Variants in ANKAR observed in about 807,000 individuals in gnomAD.
ANKAR encodes ankyrin and armadillo repeat-containing protein.
In ANKAR, 136 loss-of-function variants were observed where a neutral mutation model predicts 146.2. The observed-to-expected ratio is 0.93, with a 90% CI of 0.81 to 1.07. The LOEUF is 1.07. Ranked by LOEUF, ANKAR falls within the 50% of genes least tolerant of loss-of-function variation. The pLI is 0.00. For synonymous variants in ANKAR, 500 were observed against 575.8 expected, an observed-to-expected ratio of 0.87 and a Z score of 1.88; for missense variants, 1,567 against 1,679.9, an observed-to-expected ratio of 0.93 and a Z score of 1.18.
intron 8 of ANKAR, among the ~76,000 whole-genome samples, chr2:189,706,633 T>TTTA (rs1227839946): frequency 4.6e-5 from 7 of 152,204 alleles, no homozygotes; most frequent in Admixed American, 2.6e-4. Context: ...GCTTTTTCCT[T>TTTA]CACTTACGGA....
chr2:189,759,205 T>G (rs533024313), intron 18 of ANKAR, among the ~76,000 whole-genome samples: 1 of 152,296 alleles, frequency 6.6e-6, no homozygotes, highest in African/African-American at 2.4e-5. Context: ...ACATACATTA[T>G]TTCTAATGCC....
intron 18 of ANKAR, among the ~76,000 whole-genome samples, chr2:189,760,342 G>A (rs942469442): frequency 6.6e-6 from 1 of 152,160 alleles, no homozygotes; most frequent in Non-Finnish European, 1.5e-5. Context: ...GCCAGGCGGA[G>A]GGGCCCCCAC....
Position 189,693,177 on chromosome 2 carries a change from G to C in ANKAR, c.1307G>C (p.Ser436Thr). The change falls in exon 5 of 23, where the codon AGC becomes ACC. Residue 436 changes from serine to threonine, a missense_variant and splice_region_variant. By Grantham distance (58) the Ser-to-Thr change is moderately conservative. Coordinates refer to ENST00000684021, the MANE Select transcript of ANKAR (RefSeq NM_001378068.1). ...SIPVMEFHGK[S>T]YYVIYFELET... Reference sequence around the variant, plus strand: ...CCAGTCATGGAATTTCATGGAAAAAGGTACGGAGCTTTCACTAATTACTGA... The same window carrying C: ...CCAGTCATGGAATTTCATGGAAAAACGTACGGAGCTTTCACTAATTACTGA... 2 of 1,533,924 alleles carry C rather than the reference G, an allele frequency of 1.3e-6. No individual in the cohort carries two copies. Among genetic ancestry groups the C allele is most frequent in the South Asian group, 2.4e-5 (2 of 83,342 alleles).
chr2:189,697,558 T>C (rs1016475068), intron 7 of ANKAR, among the ~76,000 whole-genome samples: 8 of 152,202 alleles, frequency 5.3e-5, no homozygotes, highest in African/African-American at 1.9e-4. Context: ...ATATTCAGAT[T>C]CTTCTGTTAC....
chr2:189,736,791 G>C (rs1356530796), intron 17 of ANKAR, among the ~76,000 whole-genome samples: 1 of 151,760 alleles, frequency 6.6e-6, no homozygotes, highest in Non-Finnish European at 1.5e-5. Context: ...GAAAATTCAG[G>C]GCCAGGTGTG....
intron 2 of ANKAR, among the ~76,000 whole-genome samples, chr2:189,683,523 G>A (rs2035068672): frequency 6.6e-6 from 1 of 152,190 alleles, no homozygotes; most frequent in African/African-American, 2.4e-5. Context: ...ATGTGAGGTA[G>A]GGAACAAAAG....
chr2:189,759,931 G>T (rs534528710), intron 18 of ANKAR, among the ~76,000 whole-genome samples: 2 of 152,172 alleles, frequency 1.3e-5, no homozygotes, highest in Admixed American at 1.3e-4. Context: ...ATGTCCCTGG[G>T]TACTTGAGAT....
In ANKAR at chr2:189,695,127, A is replaced by G. The variant is rs375605787; in HGVS notation, c.1454A>G (p.Lys485Arg). 1 of 1,607,272 alleles carries G rather than the reference A, an allele frequency of 6.2e-7. No homozygotes were observed. Among genetic ancestry groups the G allele is most frequent in the African/African-American group, 1.3e-5 (1 of 74,374 alleles). ...TDAQLHEQFK[K>R]KLGFKRAMKC... ...GCTCAATTACATGAACAATTTAAGA[A>G]AAAGCTTGGTTTCAAAAGAGCTATG... Residue 485 changes from lysine to arginine, a missense_variant, in exon 6 of 23, where the codon AAA becomes AGA. Physicochemically the swap from Lys to Arg is conservative, Grantham distance 26 (BLOSUM62 2). Transcript: ENST00000684021.
At chr2:189,728,590 A>C in intron 14 of ANKAR, 70 bp from the exon 15 acceptor site, 2 of 1,549,446 alleles carry the variant, frequency 1.3e-6, no homozygotes, top group Non-Finnish European at 1.8e-6. Flanking sequence ...AGTGTCAGCC[A>C]CCGTGTCCTC....
chr2:189,703,832 G>A (rs902298402), intron 7 of ANKAR, among the ~76,000 whole-genome samples: 7 of 152,100 alleles, frequency 4.6e-5, no homozygotes, highest in African/African-American at 1.7e-4. Context: ...AGTGGTCAAT[G>A]GTGTAAAATA....
chr2:189,694,495 G>C (rs75613361), intron 5 of ANKAR, among the ~76,000 whole-genome samples: 2 of 152,290 alleles, frequency 1.3e-5, no homozygotes, highest in Admixed American at 1.3e-4. Flanking sequence ...GATCAGGGCT[G>C]TTTCAAGCCC....
chr2:189,692,173 A>G (rs2036523133), intron 3 of ANKAR, 82 bp from the exon 4 acceptor site: 2 of 1,206,690 alleles, frequency 1.7e-6, no homozygotes, highest in South Asian at 1.5e-5. Flanking sequence ...CTTTGTTTAC[A>G]TGAATGAGAA....
chr2:189,695,034 C>CA lies in ANKAR; in HGVS notation c.1362dup (p.Gln455ThrfsTer8). On this transcript the variant is annotated frameshift_variant, in exon 6 of 23. Coordinates refer to ENST00000684021, the MANE Select transcript of ANKAR (RefSeq NM_001378068.1). LOFTEE classifies it high-confidence loss of function. ...ACTTTCTATCAGCAACTATATAAGA[C>CA]ACAGTGGTGGGGAGCCATAAATGAA... The CA allele has an allele frequency of 6.2e-7, 1 of 1,609,970 alleles. No homozygotes were observed. Among genetic ancestry groups the CA allele is most frequent in the South Asian group, 1.1e-5 (1 of 90,348 alleles).
At chr2:189,678,777 G>A (rs1044736318) in intron 2 of ANKAR, among the ~76,000 whole-genome samples, 2 of 152,190 alleles carry the variant, frequency 1.3e-5, no homozygotes, top group Non-Finnish European at 2.9e-5. Context: ...CTGTTCCATT[G>A]GTCTCTGTGC....
chr2:189,744,995 T>TACTACTACTACTACTACTACTACC (rs1559151070), intron 22 of ANKAR, among the ~76,000 whole-genome samples: 1 of 65,564 alleles, frequency 1.5e-5, no homozygotes, highest in East Asian at 5.5e-4. Context: ...CCATCTCTAC[T>TACTACTACTACTACTACTACTACC]ACTACTACTA....
chr2:189,755,283 CT>C (rs770695272), intron 18 of ANKAR: 1 of 1,613,222 alleles, frequency 6.2e-7, no homozygotes, highest in Non-Finnish European at 8.5e-7. Flanking sequence ...ATCAAAAGAA[CT>C]AAAAAAGGAA....
Position 189,725,360 on chromosome 2 carries a change from T to C in ANKAR, c.2636-2496T>C, listed in dbSNP as rs1243403543. Reference sequence around the variant, plus strand: ...AATGATATTCCAGTAGCAATGAGCATACCGAGCACCCAAATCTTGGTTTCT... The same window carrying C: ...AATGATATTCCAGTAGCAATGAGCACACCGAGCACCCAAATCTTGGTTTCT... On this transcript the variant is annotated intron_variant, in intron 12 of 22. Coordinates refer to ENST00000684021, the MANE Select transcript of ANKAR (RefSeq NM_001378068.1). 5.3e-5 allele frequency among the ~76,000 whole-genome samples: 8 copies of C among 151,642 alleles called. 1 individual carries two copies. The highest frequency in any genetic ancestry group is 7.4e-5 in the Non-Finnish European group (5 of 67,954).
intron 10 of ANKAR, among the ~76,000 whole-genome samples, chr2:189,717,689 A>C (rs1306894359): frequency 1.3e-5 from 2 of 152,228 alleles, no homozygotes; most frequent in African/African-American, 4.8e-5. Flanking sequence ...AACCAACCCA[A>C]ATGTCCATCA....
intron 3 of ANKAR, 54 bp from the exon 4 acceptor site, chr2:189,692,201 A>G (rs2036525286): frequency 7.0e-7 from 1 of 1,429,422 alleles, no homozygotes; most frequent in Non-Finnish European, 9.4e-7. Context: ...CTCTTAAAAT[A>G]TGACTTTATG....
Sources: gnomAD v4.1 joint callset for allele counts (sites outside exome capture counted in the v4.1 genomes callset) on GRCh38, gnomAD v4.1.1 for gene constraint, MANE v1.5 for transcripts, NCBI Gene and HGNC (gene_info 2026-07-23, HGNC 2026-07-21) for gene names.